IMPDH1: variants seen among roughly 807,000 people sequenced by gnomAD.
The protein encoded by IMPDH1 is inosine-5'-monophosphate dehydrogenase 1.
IMPDH1 carries 41 observed loss-of-function variants against 73.5 expected under a neutral mutation model. The observed-to-expected ratio is 0.56, with a 90% CI of 0.43 to 0.72. IMPDH1 has a LOEUF of 0.72. IMPDH1 is among the 30% of genes least tolerant of loss of function. IMPDH1 has a pLI of 0.00. For missense variants in IMPDH1, 645 were observed against 824.8 expected (o/e 0.78, Z 2.67); for synonymous variants, 318 against 334.3 (o/e 0.95, Z 0.53).
intron 3 of IMPDH1, among the ~76,000 whole-genome samples, chr7:128,406,461 G>A (rs1344192632): frequency 6.6e-6 from 1 of 151,814 alleles, no homozygotes; most frequent in African/African-American, 2.4e-5. Flanking sequence ...ACCGGTCTGG[G>A]CTCTCAGCTA....
At chr7:128,400,223 G>A (rs770548425) in intron 8 of IMPDH1, 41 bp from the exon 9 acceptor site, 54 of 1,611,480 alleles carry the variant, frequency 3.4e-5, no homozygotes, top group Middle Eastern at 1.6e-4. Context: ...TGGCAGGTGA[G>A]AGAGAAGGAG....
rs1427063393 is a variant in IMPDH1 at position 128,409,822 on chromosome 7, G to A, written c.80C>T (p.Pro27Leu). The A allele has an allele frequency of 4.0e-6, 6 of 1,496,844 alleles. No individual in the cohort carries two copies. Among genetic ancestry groups the A allele is most frequent in the East Asian group, 2.8e-5 (1 of 36,226 alleles). The allele number at this position is 1,496,844 out of a possible 1,614,324, so 92.7% of individuals were successfully genotyped here. ...AVPEPGARQH[P>L]GHETAAQRYS... ...CCGCTGCGCCGCCGTCTCGTGTCCCGGGTGTTGCCGGGCTCCGGGCTCCGG... is the reference window on the plus strand; with the variant it reads ...CCGCTGCGCCGCCGTCTCGTGTCCCAGGTGTTGCCGGGCTCCGGGCTCCGG... The change falls in exon 1 of 17, where the codon CCG becomes CTG. Residue 27 changes from proline (P) to leucine (L), a missense_variant. By Grantham distance (98) the Pro-to-Leu change is moderately conservative (BLOSUM62 -3). This residue lies in a region of IMPDH1 where 186 missense variants were observed against 186.6 expected (regional missense o/e 1.00). Coordinates refer to ENST00000338791, the MANE Select transcript of IMPDH1 (RefSeq NM_000883.4).
At position 128,398,224 on chromosome 7, in the gene IMPDH1, T is replaced by G. The variant is rs540650147; in HGVS notation, c.1074+190A>C. On this transcript the variant is annotated intron_variant, in intron 10 of 16. Transcript: ENST00000338791. This position sits in a 1 kb window ranked among gnomAD's most constrained non-coding sequence, Gnocchi z 4.3. ...GGCACGATCCTAGCTCACTGTGACC[T>G]TGAACCTCTGAGCTCAGGCAATCCT... Among the ~76,000 whole-genome samples, 1 of 152,196 alleles carries G rather than the reference T, an allele frequency of 6.6e-6. No individual in the cohort carries two copies. The highest frequency in any genetic ancestry group is 1.5e-5 in the Non-Finnish European group (1 of 68,026).
intron 4 of IMPDH1, among the ~76,000 whole-genome samples, 160 bp downstream of exon 4, chr7:128,405,607 C>G (rs1431701380): frequency 2.6e-5 from 4 of 152,202 alleles, no homozygotes; most frequent in African/African-American, 9.6e-5. Context: ...TCCGTCTGCT[C>G]CGGCGCGGGC....
At chr7:128,393,058 G>C (rs1562980659) in intron 16 of IMPDH1, 30 bp from the exon 17 acceptor site, 2 of 1,613,426 alleles carry the variant, frequency 1.2e-6, no homozygotes, top group Non-Finnish European at 1.7e-6. Flanking sequence ...GGGGGAACAA[G>C]AGTGGGTGTG....
At chr7:128,403,904 G>A (rs1034153602) in intron 4 of IMPDH1, 150 bp from the exon 5 acceptor site, 5 of 730,114 alleles carry the variant, frequency 6.8e-6, no homozygotes, top group African/African-American at 5.2e-5. Flanking sequence ...CATCAGGGCA[G>A]TTCCCACCTC....
rs1234727172 is a variant in IMPDH1, at chr7:128,409,734, C to T, written c.146+22G>A. 2.6e-6 allele frequency: 4 copies of T among 1,525,500 alleles called. No homozygotes were observed. The South Asian group carries it at 3.6e-5, about 14-fold the overall frequency. The allele number at this position is 1,525,500 out of a possible 1,614,324, so 94.5% of individuals were successfully genotyped here. ...GGCCGCCCGCCCCGGATGCGCCCCG[C>T]GCGCTCTGCCCTGGGCGTCACCTCT... On this transcript the variant is annotated intron_variant, in intron 1 of 16. Transcript: ENST00000338791.
rs1562982489 is a variant in IMPDH1, at chr7:128,394,340, C to T, written c.1716G>A (p.Glu572=). ...ACATGGTCCGCTTCTCAAACTTGAG[C>T]TCTCCTGAGTACATCATGGACCTAG... ...SVLRSMMYSG[E]LKFEKRTMSA... is the part of the protein sequence containing the mutation. Residue 572 remains glutamate (E), a synonymous_variant, in exon 16 of 17, where the codon GAG becomes GAA. Transcript: ENST00000338791. The surrounding 1 kb of genome is among the most constrained non-coding windows in gnomAD (Gnocchi z 5.5). 1 of 1,613,952 alleles carries T rather than the reference C, an allele frequency of 6.2e-7. No individual in the cohort carries two copies. The highest frequency in any genetic ancestry group is 8.5e-7 in the Non-Finnish European group (1 of 1,179,988).
chr7:128,409,704 T>C (rs971081437), intron 1 of IMPDH1, 52 bp downstream of exon 1: 13 of 1,523,786 alleles, frequency 8.5e-6, no homozygotes, highest in African/African-American at 1.4e-5. Flanking sequence ...CGCCGCGCCC[T>C]CCTCGGCCGC....
At chr7:128,405,353 C>T (rs1798640864) in intron 4 of IMPDH1, among the ~76,000 whole-genome samples, 1 of 152,228 alleles carries the variant, frequency 6.6e-6, no homozygotes, top group African/African-American at 2.4e-5. Flanking sequence ...CTGGGCCTCT[C>T]CTGGGGCCAT....
In IMPDH1 at chr7:128,394,380, GAGC is replaced by G; in HGVS notation, c.1695-22_1695-20del. On this transcript the variant is annotated intron_variant, in intron 15 of 16. Coordinates refer to ENST00000338791, the MANE Select transcript of IMPDH1 (RefSeq NM_000883.4). The surrounding 1 kb of genome is among the most constrained non-coding windows in gnomAD (Gnocchi z 5.5). The stretch of plus-strand genomic sequence containing the variant: ...CATGGACCTAGGAGGAAGGTAGGTG[GAGC>G]AGATCAGGGCCACCAAGGGTGGAGA... 1 of 1,613,608 alleles carries G rather than the reference GAGC, an allele frequency of 6.2e-7. No individual in the cohort carries two copies. The highest frequency in any genetic ancestry group is 8.5e-7 in the Non-Finnish European group (1 of 1,179,560).
chr7:128,402,532 G>C (rs1224837988), intron 5 of IMPDH1, among the ~76,000 whole-genome samples: 1 of 152,186 alleles, frequency 6.6e-6, no homozygotes, highest in Non-Finnish European at 1.5e-5. Flanking sequence ...TGTCATAAGG[G>C]AAACAACCAG....
intron 10 of IMPDH1, among the ~76,000 whole-genome samples, chr7:128,397,876 G>A (rs375988596): frequency 5.9e-5 from 9 of 152,028 alleles, no homozygotes; most frequent in African/African-American, 1.7e-4. Context: ...TTCATCCTTC[G>A]TTCCCCTCCC....
At chr7:128,395,400 G>C (rs1327006613) in intron 12 of IMPDH1, 126 bp from the exon 13 acceptor site, 2 of 1,142,842 alleles carry the variant, frequency 1.8e-6, no homozygotes, top group African/African-American at 3.0e-5. Context: ...GGGCTGGATG[G>C]TGTGTCTGAG....
At chr7:128,406,017 G>A (rs1327099279) in intron 3 of IMPDH1, 152 bp from the exon 4 acceptor site, 2 of 389,360 alleles carry the variant, frequency 5.1e-6, no homozygotes, top group African/African-American at 2.2e-5. Context: ...CTGCGGCAGC[G>A]GCAGGGCGGG....
intron 10 of IMPDH1, among the ~76,000 whole-genome samples, chr7:128,397,517 G>T (rs958641046): frequency 6.6e-6 from 1 of 152,160 alleles, no homozygotes; most frequent in Non-Finnish European, 1.5e-5. Flanking sequence ...AGCCAAGAAG[G>T]CCCTCAGAGG....
chr7:128,393,129 G>A, intron 16 of IMPDH1, 101 bp from the exon 17 acceptor site: 1 of 1,311,188 alleles, frequency 7.6e-7, no homozygotes, highest in Non-Finnish European at 1.1e-6. Context: ...AGAGAACAGA[G>A]AGCTGAGAAG....
chr7:128,406,001 C>CG (rs1043394715), intron 3 of IMPDH1, 136 bp from the exon 4 acceptor site: 1 of 553,110 alleles, frequency 1.8e-6, no homozygotes, highest in Non-Finnish European at 2.3e-6. Context: ...GGGGCGGGGG[C>CG]GGGGGCTGCG....
chr7:128,393,621 C>T (rs1797688662), intron 16 of IMPDH1: 1 of 189,128 alleles, frequency 5.3e-6, no homozygotes. Context: ...CCCCAGCACC[C>T]TCCTACCCCC....
Sources: allele counts gnomAD v4.1 joint callset (sites outside exome capture counted in the v4.1 genomes callset), GRCh38; gene constraint gnomAD v4.1.1; regional missense constraint gnomAD v4.1.1; non-coding constraint Gnocchi (gnomAD v3.1); transcripts MANE v1.5; gene names NCBI Gene and HGNC (gene_info 2026-07-23, HGNC 2026-07-21).